Variants in TMEM117 observed in about 807,000 individuals in gnomAD.
TMEM117 encodes transmembrane protein 117.
A neutral mutation model predicts 52.4 loss-of-function variants in TMEM117; 27 were observed. The observed-to-expected ratio is 0.51, with a 90% confidence interval of 0.38 to 0.71. TMEM117 has a LOEUF of 0.71. Ranked by LOEUF, TMEM117 falls within the 30% of genes least tolerant of loss-of-function variation. The pLI is 0.00. For synonymous variants in TMEM117, 215 were observed against 206.3 expected (o/e 1.04, Z -0.36); for missense variants, 556 against 630.5 (o/e 0.88, Z 1.26).
At chr12:44,362,921 C>T (rs568216490) in intron 6 of TMEM117, among the ~76,000 whole-genome samples, 3 of 151,502 alleles carry the variant, frequency 2.0e-5, no homozygotes, top group Middle Eastern at 3.4e-3. Context: ...GGTGCGATCT[C>T]GGCTCACTAC....
chr12:44,102,584 A>G (rs1454818471), intron 3 of TMEM117, among the ~76,000 whole-genome samples: 1 of 151,802 alleles, frequency 6.6e-6, no homozygotes, highest in East Asian at 1.9e-4. Context: ...CCATTCCTGA[A>G]TACTTTTTCA....
At chr12:43,974,218 C>T (rs1002791379) in intron 3 of TMEM117, among the ~76,000 whole-genome samples, 4 of 152,068 alleles carry the variant, frequency 2.6e-5, no homozygotes, top group African/African-American at 7.2e-5. Flanking sequence ...AGTAGTGGCA[C>T]GTTATTGTTT....
chr12:44,171,100 C>T (rs1949039651), intron 4 of TMEM117, among the ~76,000 whole-genome samples: 1 of 150,680 alleles, frequency 6.6e-6, no homozygotes, highest in African/African-American at 2.4e-5. Context: ...ACTGCAAGCT[C>T]CACCTCCCGG....
chr12:44,173,632 C>CT (rs1949079835), intron 4 of TMEM117, among the ~76,000 whole-genome samples: 1 of 151,500 alleles, frequency 6.6e-6, no homozygotes, highest in Non-Finnish European at 1.5e-5. Context: ...TCAGTAGGTT[C>CT]TTAATATAGA....
intron 2 of TMEM117, among the ~76,000 whole-genome samples, chr12:43,870,112 A>G (rs141349727): frequency 7.9e-5 from 12 of 152,296 alleles, no homozygotes; most frequent in African/African-American, 2.9e-4. Context: ...ATTCCTTTTT[A>G]TGCTGCATAG....
At chr12:44,154,109 G>A (rs758283684) in intron 4 of TMEM117, among the ~76,000 whole-genome samples, 2 of 151,956 alleles carry the variant, frequency 1.3e-5, no homozygotes, top group Non-Finnish European at 2.9e-5. Context: ...TCCTTCACTA[G>A]TCTACCAAAT....
intron 3 of TMEM117, among the ~76,000 whole-genome samples, chr12:44,129,573 C>T (rs961701614): frequency 1.9e-4 from 29 of 152,166 alleles, no homozygotes; most frequent in East Asian, 1.2e-3. Flanking sequence ...ACATTTGCTT[C>T]GAGGTGACTT....
chr12:44,023,888 C>T (rs1235042246), intron 3 of TMEM117, among the ~76,000 whole-genome samples: 1 of 151,492 alleles, frequency 6.6e-6, no homozygotes, highest in East Asian at 1.9e-4. Flanking sequence ...GGGTACAGCA[C>T]ACCAACATGG....
At chr12:43,995,270 A>T (rs1016496903) in intron 3 of TMEM117, among the ~76,000 whole-genome samples, 6 of 152,006 alleles carry the variant, frequency 3.9e-5, no homozygotes, top group African/African-American at 1.2e-4. Context: ...AAAAAAAAAA[A>T]AGGAAATTAA....
chr12:44,182,836 CAGAAATAACTTCA>C (rs1466695818), intron 4 of TMEM117, among the ~76,000 whole-genome samples: 2 of 152,086 alleles, frequency 1.3e-5, no homozygotes, highest in African/African-American at 4.8e-5. Flanking sequence ...ATCTTGTATG[CAGAAATAACTTCA>C]TTTGATGTGT....
chr12:43,839,286 C>T (rs187517513), intron 1 of TMEM117, among the ~76,000 whole-genome samples: 2 of 152,216 alleles, frequency 1.3e-5, no homozygotes, highest in East Asian at 3.9e-4. Flanking sequence ...AGATTGTGTC[C>T]CTCCTCTGCT....
chr12:43,838,080 T>TA (rs1199714449), intron 1 of TMEM117, among the ~76,000 whole-genome samples: 3 of 152,200 alleles, frequency 2.0e-5, no homozygotes, highest in African/African-American at 7.2e-5. Context: ...TGTATTAGAC[T>TA]AAAAGTAAGA....
chr12:44,116,041 G>C (rs77743167), intron 3 of TMEM117, among the ~76,000 whole-genome samples: 9,851 of 152,146 alleles, frequency 0.065, 1,060 homozygotes, highest in African/African-American at 0.22. Flanking sequence ...CCAACTGACT[G>C]CACGTTAGTA....
intron 2 of TMEM117, among the ~76,000 whole-genome samples, chr12:43,907,394 G>GA (rs1052801408): frequency 1.3e-5 from 2 of 150,916 alleles, no homozygotes; most frequent in Non-Finnish European, 3.0e-5. Context: ...CAAAGATGGG[G>GA]AAAAAACAGA....
At chr12:44,226,031 A>G (rs1336489517) in intron 5 of TMEM117, among the ~76,000 whole-genome samples, 2 of 152,190 alleles carry the variant, frequency 1.3e-5, no homozygotes, top group African/African-American at 4.8e-5. Flanking sequence ...ACACATGTTC[A>G]TTTCGCCCCA....
At chr12:44,269,357 CTA>C (rs1950419121) in intron 5 of TMEM117, among the ~76,000 whole-genome samples, 1 of 152,024 alleles carries the variant, frequency 6.6e-6, no homozygotes, top group African/African-American at 2.4e-5. Context: ...CTAAATTATT[CTA>C]TTATGCTAAT....
intron 4 of TMEM117, among the ~76,000 whole-genome samples, chr12:44,189,959 G>A (rs1355654759): frequency 6.6e-6 from 1 of 152,158 alleles, no homozygotes; most frequent in Non-Finnish European, 1.5e-5. Context: ...TTTGACAGAA[G>A]GTTCACAGGC....
Position 44,388,639 on chromosome 12 carries a change from C to T in TMEM117, c.1512C>T (p.Asp504=), listed in dbSNP as rs1395868291. ...ESTSATEADQ[D]PTTSKSTPTN is the part of the protein sequence containing the mutation. ...CTAGTGCAACAGAAGCTGATCAAGA[C>T]CCAACGACTTCTAAAAGTACACCTA... Residue 504 remains aspartate (D), a synonymous_variant, in exon 8 of 8, where the codon GAC becomes GAT. Transcript: ENST00000266534. The T allele has an allele frequency of 6.2e-7, 1 of 1,613,278 alleles. No homozygotes were observed. The highest frequency in any genetic ancestry group is 8.5e-7 in the Non-Finnish European group (1 of 1,179,446).
intron 3 of TMEM117, among the ~76,000 whole-genome samples, chr12:44,037,208 C>T (rs1946722990): frequency 6.6e-6 from 1 of 152,180 alleles, no homozygotes; most frequent in Non-Finnish European, 1.5e-5. Context: ...GGGCTGGAAG[C>T]AGGCAGGAGC....
Sources: allele counts gnomAD v4.1 joint callset (sites outside exome capture counted in the v4.1 genomes callset), GRCh38; gene constraint gnomAD v4.1.1; transcripts MANE v1.5; gene names NCBI Gene and HGNC (gene_info 2026-07-23, HGNC 2026-07-21).